The following SNX8 variants were observed in gnomAD, a reference collection of about 807,000 sequenced individuals.
The protein encoded by SNX8 is sorting nexin 8, also known as sorting nexin-8.
In SNX8, 25 loss-of-function variants were observed where a neutral mutation model predicts 51.6. The observed-to-expected ratio is 0.48, with a 90% CI of 0.35 to 0.68. The LOEUF (loss-of-function observed/expected upper bound fraction) is 0.68, where lower values mean the gene tolerates loss of function less well. SNX8 is among the 30% of genes least tolerant of loss of function. SNX8 has a pLI of 0.00. For synonymous variants in SNX8, 324 were observed against 277.0 expected, an observed-to-expected ratio of 1.17 and a Z score of -1.68; for missense variants, 695 against 624.0, an observed-to-expected ratio of 1.11 and a Z score of -1.21.
At chr7:2,327,623 G>A (rs1184713412) in intron 1 of SNX8, among the ~76,000 whole-genome samples, 1 of 151,808 alleles carries the variant, frequency 6.6e-6, no homozygotes, top group African/African-American at 2.4e-5. Flanking sequence ...TAGCCAGGAT[G>A]GTCTCGATCT....
At chr7:2,279,777 A>G (rs939517247) in intron 1 of SNX8, among the ~76,000 whole-genome samples, 5 of 151,006 alleles carry the variant, frequency 3.3e-5, no homozygotes, top group Non-Finnish European at 7.4e-5. Context: ...AAAAAAAAAA[A>G]AAACTCTTCC....
intron 1 of SNX8, among the ~76,000 whole-genome samples, chr7:2,306,636 C>T (rs537238366): frequency 3.9e-5 from 6 of 152,074 alleles, no homozygotes; most frequent in East Asian, 3.9e-4. Flanking sequence ...ACTATAAAGA[C>T]GCATATTCAC....
At chr7:2,255,437 G>A (rs916325055) in intron 10 of SNX8, among the ~76,000 whole-genome samples, 6 of 152,234 alleles carry the variant, frequency 3.9e-5, no homozygotes, top group East Asian at 3.8e-4. Context: ...TCTGCCTGCC[G>A]TGGAATCGTG....
In SNX8 at chr7:2,327,067, G is replaced by A. The variant is rs990463823; in HGVS notation, c.-66+27155C>T. On this transcript the variant is annotated intron_variant, in intron 1 of 5. Transcript: ENST00000435336. ...GAAATCAAGTTGCCGGCAGGGCCAC[G>A]CTGTCTCTGAAACTCATAGGGGAGG... Among the ~76,000 whole-genome samples the A allele has an allele frequency of 1.3e-5, 2 of 152,198 alleles. 1 individual carries two copies. Among genetic ancestry groups the A allele is most frequent in the South Asian group, 4.2e-4 (2 of 4,816 alleles).
At chr7:2,273,862 C>T (rs1470782517) in intron 3 of SNX8, among the ~76,000 whole-genome samples, 2 of 151,826 alleles carry the variant, frequency 1.3e-5, no homozygotes, top group Admixed American at 6.6e-5. Context: ...CGAGATTGCA[C>T]CACTGCACTC....
At chr7:2,327,609 G>T (rs1325229128) in intron 1 of SNX8, among the ~76,000 whole-genome samples, 1 of 151,748 alleles carries the variant, frequency 6.6e-6, no homozygotes, top group Non-Finnish European at 1.5e-5. Flanking sequence ...GGGTTTCACT[G>T]TGTTAGCCAG....
At position 2,272,014 on chromosome 7, in the gene SNX8, G is replaced by T. The variant is rs369807192; in HGVS notation, c.419-43C>A. 3 of 1,608,552 alleles carry T rather than the reference G, an allele frequency of 1.9e-6. No individual in the cohort carries two copies. The South Asian group carries it at 3.3e-5, about 18-fold the overall frequency. On this transcript the variant is annotated intron_variant, in intron 3 of 10. Coordinates refer to ENST00000222990, the MANE Select transcript of SNX8 (RefSeq NM_013321.4). ...GTCACTGGACAGAGTCCAGGGCGCC[G>T]GCCCCCATCTTCTGCTCTGGGCGAG...
chr7:2,354,246 G>C (rs1779257584), exon 1 of SNX8: 1 of 152,282 alleles, frequency 6.6e-6, no homozygotes, highest in Non-Finnish European at 1.5e-5. Context: ...CCAGGCAGTC[G>C]TCCTTCTAGT....
At chr7:2,332,197 A>T (rs942008487) in intron 1 of SNX8, among the ~76,000 whole-genome samples, 4 of 151,388 alleles carry the variant, frequency 2.6e-5, no homozygotes, top group Non-Finnish European at 1.5e-5. Flanking sequence ...ACAGAGCCAT[A>T]GGCTGTCTCA....
In SNX8 at chr7:2,348,691, A is replaced by G. The variant is rs1408903454; in HGVS notation, c.-66+5531T>C. ...CCAGTGGCCAGGCGCGGTGGCTCAC[A>G]CCTGTAATTCCAGCACTCTGAGAGG... is the stretch of plus-strand genomic sequence containing the variant. On this transcript the variant is annotated intron_variant, in intron 1 of 5. Coordinates refer to the SNX8 transcript ENST00000435336. Among the ~76,000 whole-genome samples the G allele has an allele frequency of 2.0e-5, 3 of 150,782 alleles. No homozygotes were observed. In the East Asian group the frequency reaches 6.1e-4, roughly 31 times the overall value.
At chr7:2,285,080 C>CG (rs1795994272) in intron 1 of SNX8, among the ~76,000 whole-genome samples, 1 of 151,862 alleles carries the variant, frequency 6.6e-6, no homozygotes, top group African/African-American at 2.4e-5. Context: ...GGTGTGGTGG[C>CG]GGACACCTGT....
intron 1 of SNX8, among the ~76,000 whole-genome samples, chr7:2,351,696 T>C (rs1287475792): frequency 1.3e-5 from 2 of 151,584 alleles, no homozygotes; most frequent in African/African-American, 4.8e-5. Flanking sequence ...CCGGGTGTGG[T>C]GGCAGGCGCC....
At chr7:2,319,021 T>C (rs1447010491), upstream of SNX8, among the ~76,000 whole-genome samples, 4 of 150,618 alleles carry the variant, frequency 2.7e-5, no homozygotes, top group African/African-American at 9.8e-5. Flanking sequence ...AAATAAAAAA[T>C]AAAAATAAAA....
intron 8 of SNX8, 93 bp downstream of exon 8, chr7:2,257,642 C>T (rs1445550389): frequency 1.3e-6 from 2 of 1,563,932 alleles, no homozygotes; most frequent in Non-Finnish European, 1.8e-6. Context: ...GGCTTCTCAG[C>T]TCCTCTTCCG....
At chr7:2,318,419 G>A (rs989812008), upstream of SNX8, among the ~76,000 whole-genome samples, 5 of 151,764 alleles carry the variant, frequency 3.3e-5, no homozygotes, top group African/African-American at 9.7e-5. Flanking sequence ...AGCTACTCGG[G>A]AGGCTGAGGC....
At chr7:2,277,492 G>A (rs889136312) in intron 2 of SNX8, among the ~76,000 whole-genome samples, 3 of 152,098 alleles carry the variant, frequency 2.0e-5, no homozygotes, top group Admixed American at 6.5e-5. Context: ...GACCGTCCGC[G>A]GGAGATTCCT....
intron 1 of SNX8, among the ~76,000 whole-genome samples, chr7:2,353,790 G>A (rs764625723): frequency 6.6e-5 from 10 of 152,038 alleles, no homozygotes; most frequent in Non-Finnish European, 1.5e-4. Context: ...GAGGGCTGGC[G>A]TGCGGGGGGT....
chr7:2,343,991 C>T (rs975847823), intron 1 of SNX8, among the ~76,000 whole-genome samples: 3 of 150,182 alleles, frequency 2.0e-5, no homozygotes, highest in African/African-American at 7.4e-5. Context: ...TGAGATCCTG[C>T]CATTTCACTG....
intron 1 of SNX8, among the ~76,000 whole-genome samples, chr7:2,282,350 C>G (rs914596662): frequency 6.6e-6 from 1 of 152,128 alleles, no homozygotes; most frequent in African/African-American, 2.4e-5. Context: ...TGAGAGGGGG[C>G]TGGGCAGCTG....
Sources: allele counts gnomAD v4.1 joint callset (sites outside exome capture counted in the v4.1 genomes callset), GRCh38; gene constraint gnomAD v4.1.1; transcripts MANE v1.5; gene names NCBI Gene and HGNC (gene_info 2026-07-23, HGNC 2026-07-21).